Variants in VIPR2 observed in about 807,000 individuals in gnomAD.
The protein encoded by VIPR2 is vasoactive intestinal polypeptide receptor 2.
In VIPR2, 48 loss-of-function variants were observed where a neutral mutation model predicts 58.0. The ratio of observed to expected loss-of-function variants is 0.83; its 90% CI spans 0.66 to 1.05. The LOEUF is 1.05. VIPR2 is among the 50% of genes least tolerant of loss of function. The pLI is 0.00. For synonymous variants in VIPR2, 243 were observed against 235.2 expected (o/e 1.03, Z -0.30); for missense variants, 534 against 558.0 (o/e 0.96, Z 0.43).
At chr7:159,033,569 G>C (rs1158033158) in intron 10 of VIPR2, among the ~76,000 whole-genome samples, 1 of 152,154 alleles carries the variant, frequency 6.6e-6, no homozygotes, top group African/African-American at 2.4e-5. Context: ...GAATTAGCTG[G>C]ATGACTGGGG....
chr7:159,068,347 G>A (rs1856202865), intron 4 of VIPR2, among the ~76,000 whole-genome samples: 1 of 152,200 alleles, frequency 6.6e-6, no homozygotes. Flanking sequence ...ATCTGTCAGA[G>A]AAATCAAGCA....
chr7:159,122,267 C>A (rs1796480682), intron 2 of VIPR2, among the ~76,000 whole-genome samples: 1 of 152,186 alleles, frequency 6.6e-6, no homozygotes, highest in Non-Finnish European at 1.5e-5. Flanking sequence ...TCTAATCAAG[C>A]CTTTAGCATC....
chr7:159,038,710 A>G (rs975958607), intron 6 of VIPR2, among the ~76,000 whole-genome samples: 1 of 152,192 alleles, frequency 6.6e-6, no homozygotes, highest in East Asian at 1.9e-4. Context: ...GAACCAAGAC[A>G]CAAATGAACA....
At chr7:159,139,638 TA>T (rs1193941306) in intron 2 of VIPR2, among the ~76,000 whole-genome samples, 2 of 152,254 alleles carry the variant, frequency 1.3e-5, no homozygotes, top group Non-Finnish European at 1.5e-5. Context: ...TGGCCTGGTC[TA>T]AGCTGACATT....
Position 159,124,506 on chromosome 7 carries a change from C to T in VIPR2, c.152-14587G>A, listed in dbSNP as rs145647380. 7.2e-3 allele frequency among the ~76,000 whole-genome samples: 1,088 copies of T among 152,146 alleles called. 16 individuals carry two copies. Among genetic ancestry groups the T allele is most frequent in the African/African-American group, 0.025 (1,033 of 41,522 alleles). Reference sequence around the variant, plus strand: ...CTCTATTCTCCATTGGTCTATGTGCCTGTTTTTGTACCACTACCATGCTGT... The same window carrying T: ...CTCTATTCTCCATTGGTCTATGTGCTTGTTTTTGTACCACTACCATGCTGT... On this transcript the variant is annotated intron_variant, in intron 2 of 12. Coordinates refer to ENST00000262178, the MANE Select transcript of VIPR2 (RefSeq NM_003382.5).
chr7:159,112,112 T>C (rs1796032942), intron 2 of VIPR2, among the ~76,000 whole-genome samples: 1 of 152,276 alleles, frequency 6.6e-6, no homozygotes, highest in South Asian at 2.1e-4. Context: ...ATTGCTGCTT[T>C]AAATTTCAAC....
At chr7:159,035,557 A>G (rs1853885822) in intron 8 of VIPR2, among the ~76,000 whole-genome samples, 1 of 152,210 alleles carries the variant, frequency 6.6e-6, no homozygotes, top group African/African-American at 2.4e-5. Flanking sequence ...ATGAGCCAAG[A>G]CCAGTGCTTA....
chr7:159,108,741 A>G (rs1029991100), intron 3 of VIPR2, among the ~76,000 whole-genome samples: 7 of 152,202 alleles, frequency 4.6e-5, no homozygotes, highest in African/African-American at 1.2e-4. Context: ...GAACCATGCC[A>G]TCGACTAGGA....
chr7:159,056,917 A>C (rs1855356763), intron 5 of VIPR2, among the ~76,000 whole-genome samples: 1 of 152,216 alleles, frequency 6.6e-6, no homozygotes, highest in Admixed American at 6.5e-5. Context: ...TCACCAGCAG[A>C]ATGACATCCA....
At chr7:159,120,355 T>A (rs895674486) in intron 2 of VIPR2, among the ~76,000 whole-genome samples, 5 of 152,068 alleles carry the variant, frequency 3.3e-5, no homozygotes, top group Non-Finnish European at 7.4e-5. Context: ...TGGTCCCCCT[T>A]GGAGTGCTCA....
At chr7:159,121,923 T>C (rs1011349012) in intron 2 of VIPR2, among the ~76,000 whole-genome samples, 2 of 152,236 alleles carry the variant, frequency 1.3e-5, no homozygotes, top group Admixed American at 6.5e-5. Context: ...ATGATTAGAA[T>C]TGGAGAAGTC....
At chr7:159,091,394 G>A (rs1281877037) in intron 4 of VIPR2, among the ~76,000 whole-genome samples, 1 of 152,242 alleles carries the variant, frequency 6.6e-6, no homozygotes, top group Non-Finnish European at 1.5e-5. Context: ...GACTGAATGA[G>A]CTAGTCCATG....
intron 3 of VIPR2, among the ~76,000 whole-genome samples, chr7:159,106,899 G>A (rs1795763605): frequency 1.3e-5 from 2 of 150,454 alleles, no homozygotes; most frequent in Non-Finnish European, 3.0e-5. Flanking sequence ...AAAGAGGCCA[G>A]GGAGGTGCAG....
chr7:159,123,288 TA>T (rs370294230), intron 2 of VIPR2, among the ~76,000 whole-genome samples: 1,194 of 72,820 alleles, frequency 0.016, 19 homozygotes, highest in African/African-American at 0.058. Flanking sequence ...CAAGACTCTG[TA>T]AAAAAAAAAA....
chr7:159,073,653 C>G (rs1029785831), intron 4 of VIPR2, among the ~76,000 whole-genome samples: 5 of 152,210 alleles, frequency 3.3e-5, no homozygotes, highest in Non-Finnish European at 7.3e-5. Context: ...AGGCAATCTG[C>G]CTGCCTTGGC....
intron 6 of VIPR2, among the ~76,000 whole-genome samples, chr7:159,037,457 T>C (rs1456270408): frequency 6.6e-6 from 1 of 152,204 alleles, no homozygotes; most frequent in African/African-American, 2.4e-5. Flanking sequence ...CTGCCCTCAC[T>C]AGCAGCTCAG....
chr7:159,112,784 G>C (rs553472169), intron 2 of VIPR2, among the ~76,000 whole-genome samples: 14 of 147,926 alleles, frequency 9.5e-5, no homozygotes, highest in African/African-American at 3.5e-4. Context: ...CGCCTGCCTG[G>C]GACGGGACCC....
At position 159,034,199 on chromosome 7, in the gene VIPR2, G is replaced by C; in HGVS notation, c.971+14C>G. On this transcript the variant is annotated intron_variant, in intron 10 of 12. Transcript: ENST00000262178. ...ATCCCCATCAGGGACGGCCAGGCCG[G>C]GACACACACTCACTTGTACTGAGAC... 1 of 1,613,352 alleles carries C rather than the reference G, an allele frequency of 6.2e-7. No homozygotes were observed.
chr7:159,131,604 C>T (rs2129497503), intron 2 of VIPR2, among the ~76,000 whole-genome samples: 1 of 152,364 alleles, frequency 6.6e-6, no homozygotes, highest in African/African-American at 2.4e-5. Flanking sequence ...AACACTAACC[C>T]TCCTGAAGAC....
Sources: gnomAD v4.1 joint callset for allele counts (sites outside exome capture counted in the v4.1 genomes callset) on GRCh38, gnomAD v4.1.1 for gene constraint, MANE v1.5 for transcripts, NCBI Gene and HGNC (gene_info 2026-07-23, HGNC 2026-07-21) for gene names.